Variants in PTCHD4 observed in about 807,000 individuals in gnomAD.
The protein encoded by PTCHD4 is patched domain containing 4.
A neutral mutation model predicts 58.1 loss-of-function variants in PTCHD4; 33 were observed. That is an observed-to-expected ratio of 0.57 (90% confidence interval 0.43 to 0.76). PTCHD4 has a LOEUF of 0.76. Ranked by LOEUF, PTCHD4 falls within the 30% of genes least tolerant of loss-of-function variation. The pLI, the probability that PTCHD4 is intolerant of heterozygous loss-of-function variation, is 0.00. For synonymous variants in PTCHD4, 478 were observed against 409.6 expected, an observed-to-expected ratio of 1.17 and a Z score of -2.02; for missense variants, 1,058 against 1,027.1, an observed-to-expected ratio of 1.03 and a Z score of -0.41.
chr6:47,915,497 G>T (rs1435768911), intron 4 of PTCHD4, among the ~76,000 whole-genome samples: 2 of 151,904 alleles, frequency 1.3e-5, no homozygotes, highest in African/African-American at 4.8e-5. Flanking sequence ...GGTTACATCA[G>T]CTCTGAAGAA....
chr6:47,992,094 G>A (rs1349965494), intron 4 of PTCHD4, among the ~76,000 whole-genome samples: 1 of 152,030 alleles, frequency 6.6e-6, no homozygotes, highest in Non-Finnish European at 1.5e-5. Context: ...TATGGAAAAT[G>A]TAAGAAAACA....
At chr6:48,016,632 GA>G (rs200615036) in intron 3 of PTCHD4, among the ~76,000 whole-genome samples, 24 of 149,488 alleles carry the variant, frequency 1.6e-4, no homozygotes, top group East Asian at 9.7e-4. Context: ...ATGCTGAAGA[GA>G]AAAAAAAAAT....
intron 1 of PTCHD4, among the ~76,000 whole-genome samples, chr6:48,093,662 T>C (rs922723673): frequency 6.6e-6 from 1 of 152,174 alleles, no homozygotes; most frequent in Non-Finnish European, 1.5e-5. Context: ...TGCCCACTTT[T>C]AATCTTTAAT....
intron 3 of PTCHD4, among the ~76,000 whole-genome samples, chr6:48,064,731 G>A (rs769548716): frequency 1.1e-4 from 17 of 152,032 alleles, no homozygotes; most frequent in Non-Finnish European, 2.2e-4. Context: ...TATTTGTTGT[G>A]AATACTATCT....
intron 3 of PTCHD4, among the ~76,000 whole-genome samples, chr6:48,054,133 G>A (rs972805728): frequency 5.9e-5 from 9 of 152,002 alleles, no homozygotes; most frequent in African/African-American, 1.9e-4. Context: ...TGATTCAATC[G>A]ATCTTAAGAG....
chr6:47,930,796 A>T (rs556242894), intron 4 of PTCHD4, among the ~76,000 whole-genome samples: 56 of 152,142 alleles, frequency 3.7e-4, no homozygotes, highest in African/African-American at 1.3e-3. Flanking sequence ...TATTTTATTT[A>T]TTATTATTAT....
chr6:48,041,900 A>T (rs1471436129), intron 3 of PTCHD4, among the ~76,000 whole-genome samples: 1 of 152,062 alleles, frequency 6.6e-6, no homozygotes, highest in Non-Finnish European at 1.5e-5. Flanking sequence ...CTAGTAAAAA[A>T]AATTAAAAGT....
chr6:47,945,355 G>GAAAAAAAAAAAA (rs1766376273), intron 4 of PTCHD4, among the ~76,000 whole-genome samples: 1 of 151,876 alleles, frequency 6.6e-6, no homozygotes, highest in Admixed American at 6.6e-5. Context: ...TTATTTTAGT[G>GAAAAAAAAAAAA]AAAAATGAAA....
chr6:48,103,647 A>T (rs915372735), intron 1 of PTCHD4, among the ~76,000 whole-genome samples: 2 of 151,912 alleles, frequency 1.3e-5, no homozygotes, highest in Non-Finnish European at 2.9e-5. Flanking sequence ...AGATCAAACT[A>T]CTCCGAGCTA....
At chr6:48,064,959 A>G (rs1473209165) in intron 3 of PTCHD4, among the ~76,000 whole-genome samples, 1 of 152,174 alleles carries the variant, frequency 6.6e-6, no homozygotes, top group Non-Finnish European at 1.5e-5. Flanking sequence ...GTGGTATTCT[A>G]AGTCGATGGC....
At position 47,858,066 on chromosome 6, in the gene PTCHD4, C is replaced by G. The variant is rs1182180548; in HGVS notation, c.*20237G>C. ...CTAAAGAGTGGTAAAATTCCACCAT[C>G]TATGGACATTTGAATTTGAGTGTTG... On this transcript the variant is annotated 3_prime_UTR_variant, in exon 5 of 5. Coordinates refer to ENST00000339488, the MANE Select transcript of PTCHD4 (RefSeq NM_001384253.1). Among the ~76,000 whole-genome samples, 1 of 152,002 alleles carries G rather than the reference C, an allele frequency of 6.6e-6. No homozygotes were observed. The highest frequency in any genetic ancestry group is 1.5e-5 in the Non-Finnish European group (1 of 67,960).
At chr6:47,953,349 C>A (rs1766728161) in intron 4 of PTCHD4, among the ~76,000 whole-genome samples, 2 of 152,166 alleles carry the variant, frequency 1.3e-5, no homozygotes, top group Admixed American at 1.3e-4. Flanking sequence ...GAGAAATCTA[C>A]CTACATGAAA....
At chr6:47,883,859 T>G (rs765454713) in intron 4 of PTCHD4, among the ~76,000 whole-genome samples, 18 of 151,960 alleles carry the variant, frequency 1.2e-4, no homozygotes, top group Non-Finnish European at 1.6e-4. Context: ...CAATTGAAAA[T>G]TATTGGTTTA....
At chr6:48,105,698 G>T (rs527942096) in intron 1 of PTCHD4, among the ~76,000 whole-genome samples, 1 of 152,012 alleles carries the variant, frequency 6.6e-6, no homozygotes, top group Non-Finnish European at 1.5e-5. Flanking sequence ...TTGATAGACC[G>T]CTAGCAAGAC....
chr6:48,104,027 G>T (rs1324253624), intron 1 of PTCHD4, among the ~76,000 whole-genome samples: 1 of 152,190 alleles, frequency 6.6e-6, no homozygotes, highest in Non-Finnish European at 1.5e-5. Context: ...AAAACACTCT[G>T]CAGGATATTA....
chr6:47,892,859 T>C (rs1199415115), intron 4 of PTCHD4, among the ~76,000 whole-genome samples: 1 of 152,212 alleles, frequency 6.6e-6, no homozygotes, highest in Non-Finnish European at 1.5e-5. Flanking sequence ...CAGCTGGATT[T>C]TTTTCTGAAC....
At chr6:47,916,092 A>G (rs574363232) in intron 4 of PTCHD4, among the ~76,000 whole-genome samples, 3 of 152,144 alleles carry the variant, frequency 2.0e-5, no homozygotes, top group African/African-American at 7.2e-5. Flanking sequence ...TGCTCTGCCA[A>G]TCCCACAAAG....
At chr6:48,104,770 A>C (rs927403609) in intron 1 of PTCHD4, among the ~76,000 whole-genome samples, 7 of 152,296 alleles carry the variant, frequency 4.6e-5, no homozygotes, top group African/African-American at 1.7e-4. Context: ...TACCAAGCAA[A>C]CGGAAAAGAA....
At chr6:47,920,027 C>T (rs933892857) in intron 4 of PTCHD4, among the ~76,000 whole-genome samples, 21 of 151,956 alleles carry the variant, frequency 1.4e-4, no homozygotes, top group African/African-American at 4.8e-4. Flanking sequence ...TGAAGGAACC[C>T]GGTCCCTGAA....
Sources: gnomAD v4.1 joint callset for allele counts (sites outside exome capture counted in the v4.1 genomes callset) on GRCh38, gnomAD v4.1.1 for gene constraint, MANE v1.5 for transcripts, NCBI Gene and HGNC (gene_info 2026-07-23, HGNC 2026-07-21) for gene names.